Variants in PDLIM5 observed in about 807,000 individuals in gnomAD.
The protein encoded by PDLIM5 is PDZ and LIM domain 5.
PDLIM5 carries 34 observed loss-of-function variants against 64.2 expected under a neutral mutation model. The ratio of observed to expected loss-of-function variants is 0.53; its 90% CI spans 0.40 to 0.71. The LOEUF (loss-of-function observed/expected upper bound fraction) is 0.71, where lower values mean the gene tolerates loss of function less well. Ranked by LOEUF, PDLIM5 falls within the 30% of genes least tolerant of loss-of-function variation. PDLIM5 has a pLI of 0.00. For missense variants in PDLIM5, 683 were observed against 733.6 expected (o/e 0.93, Z 0.80); for synonymous variants, 253 against 269.1 (o/e 0.94, Z 0.59).
intron 7 of PDLIM5, 45 bp downstream of exon 7, chr4:94,586,489 A>G (rs769739860): frequency 1.7e-6 from 2 of 1,143,904 alleles, no homozygotes; most frequent in Admixed American, 3.7e-5. Context: ...TCCTTTCACG[A>G]ATGGTCTCAA....
At chr4:94,596,731 A>G (rs1039070203) in intron 7 of PDLIM5, among the ~76,000 whole-genome samples, 3 of 150,094 alleles carry the variant, frequency 2.0e-5, no homozygotes, top group African/African-American at 7.3e-5. Flanking sequence ...GTTTATTAGA[A>G]TGATATGATT....
chr4:94,587,143 A>C, intron 7 of PDLIM5: 1 of 1,526,754 alleles, frequency 6.5e-7, no homozygotes, highest in Non-Finnish European at 8.7e-7. Flanking sequence ...TTTTTTTTTC[A>C]ACTTCATAGC....
At chr4:94,496,899 A>C (rs899459066) in intron 2 of PDLIM5, among the ~76,000 whole-genome samples, 1 of 152,216 alleles carries the variant, frequency 6.6e-6, no homozygotes, top group Non-Finnish European at 1.5e-5. Flanking sequence ...CTGTACATTG[A>C]AGTAGTTCCA....
At chr4:94,523,439 A>G (rs377679778) in intron 2 of PDLIM5, among the ~76,000 whole-genome samples, 18 of 152,240 alleles carry the variant, frequency 1.2e-4, no homozygotes, top group African/African-American at 4.3e-4. Context: ...TAAAAATCAC[A>G]CAACTACTGT....
At chr4:94,602,130 C>T (rs2110352364) in intron 7 of PDLIM5, among the ~76,000 whole-genome samples, 1 of 152,196 alleles carries the variant, frequency 6.6e-6, no homozygotes, top group East Asian at 1.9e-4. Flanking sequence ...CCTCCTTTAC[C>T]TTTTAATAAA....
chr4:94,560,880 C>G (rs1368391568), intron 3 of PDLIM5, among the ~76,000 whole-genome samples: 2 of 152,250 alleles, frequency 1.3e-5, no homozygotes, highest in East Asian at 3.9e-4. Flanking sequence ...TCGCCCGCCA[C>G]CACGCCCAGC....
chr4:94,457,154 A>G, intron 2 of PDLIM5: 1 of 964,728 alleles, frequency 1.0e-6, no homozygotes, highest in Non-Finnish European at 1.2e-6. Context: ...TGTAACGCCT[A>G]AATATCCTTA....
intron 3 of PDLIM5, among the ~76,000 whole-genome samples, chr4:94,550,144 C>T (rs1426136142): frequency 6.6e-6 from 1 of 151,944 alleles, no homozygotes; most frequent in East Asian, 1.9e-4. Flanking sequence ...GAATTGTCAT[C>T]TGAATACATT....
At chr4:94,503,924 A>G (rs935780996) in intron 2 of PDLIM5, among the ~76,000 whole-genome samples, 3 of 152,194 alleles carry the variant, frequency 2.0e-5, no homozygotes, top group African/African-American at 7.2e-5. Flanking sequence ...GTGTTTAGCT[A>G]TCACATCTTT....
At chr4:94,454,547 G>T (rs1413420280) in intron 1 of PDLIM5, among the ~76,000 whole-genome samples, 1 of 152,164 alleles carries the variant, frequency 6.6e-6, no homozygotes, top group Non-Finnish European at 1.5e-5. Flanking sequence ...CTGGTGAGGT[G>T]TGTGTATAAA....
At chr4:94,608,443 C>G (rs947514824) in intron 7 of PDLIM5, among the ~76,000 whole-genome samples, 1 of 152,136 alleles carries the variant, frequency 6.6e-6, no homozygotes, top group African/African-American at 2.4e-5. Context: ...AACTTGCTGG[C>G]TTTGTCATAA....
At chr4:94,563,875 C>T (rs991881355) in intron 3 of PDLIM5, among the ~76,000 whole-genome samples, 1 of 150,572 alleles carries the variant, frequency 6.6e-6, no homozygotes, top group Non-Finnish European at 1.5e-5. Flanking sequence ...TCATTTATTG[C>T]TTAACACTGA....
At position 94,456,267 on chromosome 4, in the gene PDLIM5, C is replaced by T. The variant is rs190069211; in HGVS notation, c.96+883C>T. On this transcript the variant is annotated intron_variant, in intron 2 of 12. Transcript: ENST00000317968. ...AGGCTGGAGTGCAGTGGCGCAATCTCGGCTCACCACAACCTCCATCTCCCG... is the reference window on the plus strand; with the variant it reads ...AGGCTGGAGTGCAGTGGCGCAATCTTGGCTCACCACAACCTCCATCTCCCG... 1.2e-3 allele frequency: 582 copies of T among 493,362 alleles called. 1 individual carries two copies. The highest frequency in any genetic ancestry group is 8.7e-3 in the African/African-American group (438 of 50,296). The allele number at this position is 493,362 out of a possible 1,614,324, so 30.6% of individuals were successfully genotyped here. A position where few individuals can be genotyped will look rare whatever the true frequency, so the allele number is the denominator to read the frequency against.
chr4:94,471,593 T>C (rs762200415), intron 2 of PDLIM5, among the ~76,000 whole-genome samples: 51 of 152,204 alleles, frequency 3.4e-4, no homozygotes, highest in Non-Finnish European at 5.7e-4. Flanking sequence ...CTGTTGATTG[T>C]AGTTATTACA....
chr4:94,575,022 G>T (rs1735134121), intron 4 of PDLIM5, among the ~76,000 whole-genome samples: 1 of 146,878 alleles, frequency 6.8e-6, no homozygotes. Flanking sequence ...AATTCTTTAA[G>T]ATTATTAATT....
At chr4:94,541,130 A>G (rs1731769647) in intron 3 of PDLIM5, among the ~76,000 whole-genome samples, 1 of 152,224 alleles carries the variant, frequency 6.6e-6, no homozygotes, top group African/African-American at 2.4e-5. Flanking sequence ...TCAGAGCTGG[A>G]ACCTCTTATG....
intron 2 of PDLIM5, among the ~76,000 whole-genome samples, chr4:94,513,808 T>C (rs1465893935): frequency 2.6e-5 from 4 of 152,340 alleles, no homozygotes; most frequent in African/African-American, 9.6e-5. Context: ...TTGCAGATTT[T>C]AGAGGAAAGG....
At chr4:94,579,346 A>T (rs1735548090) in intron 5 of PDLIM5, 2 of 383,918 alleles carry the variant, frequency 5.2e-6, no homozygotes, top group Admixed American at 4.6e-5. Context: ...TCCTTGCATT[A>T]TAATGTGCCA....
intron 10 of PDLIM5, 64 bp downstream of exon 10, chr4:94,654,704 A>C: frequency 9.8e-7 from 1 of 1,016,486 alleles, no homozygotes; most frequent in South Asian, 1.5e-5. Flanking sequence ...TTGATATGAA[A>C]GTCTTCTATC....
Sources: allele counts gnomAD v4.1 joint callset (sites outside exome capture counted in the v4.1 genomes callset), GRCh38; gene constraint gnomAD v4.1.1; transcripts MANE v1.5; gene names NCBI Gene and HGNC (gene_info 2026-07-23, HGNC 2026-07-21).